Variants in FAM168A observed in about 807,000 individuals in gnomAD.
FAM168A encodes family with sequence similarity 168 member A, also known as protein FAM168A.
In FAM168A, 3 loss-of-function variants were observed where a neutral mutation model predicts 28.5. That is an observed-to-expected ratio of 0.11 (90% CI 0.05 to 0.27). The LOEUF (loss-of-function observed/expected upper bound fraction) is 0.27, where lower values mean the gene tolerates loss of function less well. Among genes scored for constraint, FAM168A ranks in the 10% least tolerant of loss-of-function variants. The probability of loss-of-function intolerance (pLI) is 1.00; values close to 1 mark genes in which losing one functional copy is unlikely to be tolerated. For missense variants in FAM168A, 222 were observed against 311.5 expected (o/e 0.71, Z 2.16); for synonymous variants, 122 against 124.2 (o/e 0.98, Z 0.12).
intron 1 of FAM168A, among the ~76,000 whole-genome samples, chr11:73,573,485 T>C (rs1944132899): frequency 6.6e-6 from 1 of 152,180 alleles, no homozygotes; most frequent in African/African-American, 2.4e-5. Flanking sequence ...CACCCCATTT[T>C]CTCATTTCCA....
intron 3 of FAM168A, among the ~76,000 whole-genome samples, chr11:73,424,423 C>T (rs1259869971): frequency 6.6e-6 from 1 of 152,104 alleles, no homozygotes; most frequent in African/African-American, 2.4e-5. Flanking sequence ...CAGAAGTTCC[C>T]GTGGTGCCTT....
At chr11:73,588,406 C>T (rs1011514474) in intron 1 of FAM168A, among the ~76,000 whole-genome samples, 9 of 152,122 alleles carry the variant, frequency 5.9e-5, no homozygotes, top group Admixed American at 5.9e-4. Flanking sequence ...AAGATCTGCA[C>T]ATGGCCAGGT....
rs1238842866 is a variant in FAM168A, at chr11:73,417,387, C to A, written c.277+2487G>T. Among the ~76,000 whole-genome samples the A allele has an allele frequency of 4.6e-5, 7 of 152,318 alleles. No individual in the cohort carries two copies. In the East Asian group the frequency reaches 1.3e-3, roughly 29 times the overall value. On this transcript the variant is annotated intron_variant, in intron 4 of 7. Coordinates refer to ENST00000356467, the MANE Select transcript of FAM168A (RefSeq NM_015159.3). ...AATTCAATGCAGCTTCCACTCCAGG[C>A]TGCTTTCTGCTACACTACAGTAGGT...
intron 1 of FAM168A, among the ~76,000 whole-genome samples, chr11:73,551,684 C>T (rs1296075736): frequency 6.6e-6 from 1 of 152,212 alleles, no homozygotes; most frequent in Non-Finnish European, 1.5e-5. Flanking sequence ...TTTAATGAAA[C>T]ATTTCCTATT....
At chr11:73,575,232 G>T (rs1048143562) in intron 1 of FAM168A, among the ~76,000 whole-genome samples, 3 of 152,188 alleles carry the variant, frequency 2.0e-5, no homozygotes, top group African/African-American at 4.8e-5. Context: ...ATGCCTAGAA[G>T]TCCTTTAATT....
chr11:73,405,110 TTCCTC>T lies in FAM168A; in HGVS notation c.*1648_*1652del, dbSNP rs1176603818. On this transcript the variant is annotated 3_prime_UTR_variant, in exon 8 of 8. Coordinates refer to ENST00000356467, the MANE Select transcript of FAM168A (RefSeq NM_015159.3). ...GATGACTCCCACTGTCTTCCTCCTC[TTCCTC>T]TCCTCTCGGGATGAGGGGCTACTGT... 1 of 152,288 alleles carries T rather than the reference TTCCTC, an allele frequency of 6.6e-6. No homozygotes were observed. The highest frequency in any genetic ancestry group is 2.4e-5 in the African/African-American group (1 of 41,446). 9.4% of individuals were successfully genotyped at this position (152,288 alleles called of 1,614,324 possible). A position where few individuals can be genotyped will look rare whatever the true frequency, so the allele number is the denominator to read the frequency against.
chr11:73,413,362 A>G lies in FAM168A; in HGVS notation c.278-1826T>C, dbSNP rs375343637. Among the ~76,000 whole-genome samples, 10 of 152,384 alleles carry G rather than the reference A, an allele frequency of 6.6e-5. No homozygotes were observed. The South Asian group carries it at 1.7e-3, about 25-fold the overall frequency. ...AAGTACATATGAAAGAGAGGGAAGC[A>G]TGTTAAAGAGAAGTAGAAACTAACT... On this transcript the variant is annotated intron_variant, in intron 4 of 7. Transcript: ENST00000356467.
At position 73,482,688 on chromosome 11, in the gene FAM168A, AT is replaced by A. The variant is rs1867983852; in HGVS notation, c.-18-14197del. ...TCCCTGAGGAAGCAATATGTGTGAAATGTCACCTAGAAATTTCATATAATGG... is the reference window on the plus strand; with the variant it reads ...TCCCTGAGGAAGCAATATGTGTGAAAGTCACCTAGAAATTTCATATAATGG... On this transcript the variant is annotated intron_variant, in intron 1 of 7. Transcript: ENST00000356467. Among the ~76,000 whole-genome samples the A allele has an allele frequency of 2.0e-5, 3 of 151,918 alleles. No homozygotes were observed. The South Asian group carries it at 6.2e-4, about 32-fold the overall frequency.
At chr11:73,579,969 T>C (rs552925639) in intron 1 of FAM168A, among the ~76,000 whole-genome samples, 1 of 152,208 alleles carries the variant, frequency 6.6e-6, no homozygotes, top group Non-Finnish European at 1.5e-5. Flanking sequence ...AATCAAAGTT[T>C]CATGGATCTG....
intron 1 of FAM168A, among the ~76,000 whole-genome samples, chr11:73,590,741 G>A (rs891069545): frequency 1.3e-5 from 2 of 151,800 alleles, no homozygotes; most frequent in Non-Finnish European, 2.9e-5. Flanking sequence ...ACCTACAGAA[G>A]TTTTGTTAAC....
intron 1 of FAM168A, among the ~76,000 whole-genome samples, chr11:73,534,576 T>C (rs902743705): frequency 2.6e-5 from 4 of 152,018 alleles, no homozygotes; most frequent in African/African-American, 9.7e-5. Context: ...AAAATTTTTG[T>C]ATTTTTAGTA....
chr11:73,525,821 G>A (rs903496163), intron 1 of FAM168A, among the ~76,000 whole-genome samples: 57 of 152,202 alleles, frequency 3.7e-4, no homozygotes, highest in African/African-American at 1.3e-3. Context: ...TAGCCCTTGC[G>A]AAATACCAGT....
At chr11:73,435,421 G>A (rs1041507854) in intron 2 of FAM168A, among the ~76,000 whole-genome samples, 1 of 152,168 alleles carries the variant, frequency 6.6e-6, no homozygotes, top group African/African-American at 2.4e-5. Flanking sequence ...GCAATTATAG[G>A]ATGTTCCTTC....
chr11:73,515,366 G>A lies in FAM168A; in HGVS notation c.-18-46874C>T, dbSNP rs116086666. ...CTCTGCCAAAAATACAAAATTAGTC[G>A]GGTGTGGTGGCAGATGCCTGTAATC... is the stretch of plus-strand genomic sequence containing the variant. On this transcript the variant is annotated intron_variant, in intron 1 of 7. Coordinates refer to ENST00000356467, the MANE Select transcript of FAM168A (RefSeq NM_015159.3). Among the ~76,000 whole-genome samples, 1,499 of 152,012 alleles carry A rather than the reference G, an allele frequency of 9.9e-3. 24 individuals carry two copies. Among genetic ancestry groups the A allele is most frequent in the African/African-American group, 0.033 (1,371 of 41,460 alleles).
rs989688461 is a variant in FAM168A, at chr11:73,453,930, A to T, written c.70+14475T>A. 1.4e-4 allele frequency among the ~76,000 whole-genome samples: 21 copies of T among 152,240 alleles called. 1 individual carries two copies. The highest frequency in any genetic ancestry group is 4.8e-4 in the African/African-American group (20 of 41,468). On this transcript the variant is annotated intron_variant, in intron 2 of 7. Coordinates refer to ENST00000356467, the MANE Select transcript of FAM168A (RefSeq NM_015159.3). Reference sequence around the variant, plus strand: ...ATAGAAAGCTAAATTAAATTGCATGAGCTTAATTAGCAGGGAAAGGGAAGT... The same window carrying T: ...ATAGAAAGCTAAATTAAATTGCATGTGCTTAATTAGCAGGGAAAGGGAAGT...
intron 1 of FAM168A, among the ~76,000 whole-genome samples, chr11:73,559,188 A>T (rs1272344081): frequency 1.3e-5 from 2 of 152,178 alleles, no homozygotes; most frequent in Non-Finnish European, 2.9e-5. Context: ...CAGGTGGATC[A>T]CCTGAGGTCA....
intron 1 of FAM168A, among the ~76,000 whole-genome samples, chr11:73,528,357 A>G (rs1943471233): frequency 6.6e-6 from 1 of 152,198 alleles, no homozygotes; most frequent in Non-Finnish European, 1.5e-5. Context: ...CACACTTGGG[A>G]GTGTACAGAT....
At chr11:73,411,330 C>G in intron 5 of FAM168A, 64 bp downstream of exon 5, 1 of 1,518,526 alleles carries the variant, frequency 6.6e-7, no homozygotes, top group Non-Finnish European at 8.8e-7. Flanking sequence ...CCCTACCCCA[C>G]CACACTGCAC....
intron 1 of FAM168A, among the ~76,000 whole-genome samples, chr11:73,487,506 C>T (rs1199661879): frequency 6.6e-6 from 1 of 152,134 alleles, no homozygotes; most frequent in Non-Finnish European, 1.5e-5. Flanking sequence ...TCCTCTTATG[C>T]CTTAAAGATT....
Sources: gnomAD v4.1 joint callset for allele counts (sites outside exome capture counted in the v4.1 genomes callset) on GRCh38, gnomAD v4.1.1 for gene constraint, MANE v1.5 for transcripts, NCBI Gene and HGNC (gene_info 2026-07-23, HGNC 2026-07-21) for gene names.